ASAP2: variants seen among roughly 807,000 people sequenced by gnomAD.
The protein encoded by ASAP2 is ArfGAP with SH3 domain, ankyrin repeat and PH domain 2, also known as arf-GAP with SH3 domain, ANK repeat and PH domain-containing protein 2.
ASAP2 carries 45 observed loss-of-function variants against 131.4 expected under a neutral mutation model. The observed-to-expected ratio is 0.34, with a 90% CI of 0.27 to 0.44. The LOEUF is 0.44. ASAP2 is among the 20% of genes least tolerant of loss of function. The pLI, the probability that ASAP2 is intolerant of heterozygous loss-of-function variation, is 1.00. For missense variants in ASAP2, 1,011 were observed against 1,297.0 expected (o/e 0.78, Z 3.39); for synonymous variants, 510 against 503.0 (o/e 1.01, Z -0.19).
chr2:9,400,639 TGG>T, intron 25 of ASAP2, 101 bp from the exon 26 acceptor site: 1 of 1,070,714 alleles, frequency 9.3e-7, no homozygotes, highest in Non-Finnish European at 1.4e-6. Flanking sequence ...TCGGAACACC[TGG>T]GGAAACCTGC....
chr2:9,359,485 A>G (rs1672947696), intron 15 of ASAP2, among the ~76,000 whole-genome samples: 1 of 152,224 alleles, frequency 6.6e-6, no homozygotes, highest in South Asian at 2.1e-4. Flanking sequence ...GTAGTCCCAC[A>G]AGGTCCATCA....
chr2:9,279,474 C>A, intron 2 of ASAP2, 85 bp downstream of exon 2: 1 of 1,279,754 alleles, frequency 7.8e-7, no homozygotes, highest in Non-Finnish European at 1.1e-6. Context: ...TGACCATTAA[C>A]AAATGAGCCA....
intron 21 of ASAP2, among the ~76,000 whole-genome samples, chr2:9,385,590 G>T (rs908331159): frequency 2.0e-5 from 3 of 152,164 alleles, no homozygotes; most frequent in African/African-American, 7.2e-5. Flanking sequence ...GTACTTATAG[G>T]CAGCCTTTTG....
At chr2:9,387,557 G>A (rs533251171) in intron 21 of ASAP2, among the ~76,000 whole-genome samples, 2 of 152,324 alleles carry the variant, frequency 1.3e-5, no homozygotes, top group Admixed American at 1.3e-4. Context: ...ATTGAGTGCA[G>A]CGGGCTGGCC....
intron 1 of ASAP2, among the ~76,000 whole-genome samples, chr2:9,228,950 T>A (rs1389458734): frequency 6.6e-6 from 1 of 152,024 alleles, no homozygotes; most frequent in African/African-American, 2.4e-5. Context: ...ACGGGCCAAC[T>A]CCCCAGAGGT....
chr2:9,289,955 G>GT (rs1185691242), intron 2 of ASAP2, among the ~76,000 whole-genome samples: 1 of 149,702 alleles, frequency 6.7e-6, no homozygotes, highest in African/African-American at 2.5e-5. Flanking sequence ...AGCCCGGGGT[G>GT]TTGGAGAAGG....
intron 2 of ASAP2, among the ~76,000 whole-genome samples, chr2:9,295,331 A>G (rs1329119783): frequency 6.6e-6 from 1 of 152,208 alleles, no homozygotes; most frequent in East Asian, 1.9e-4. Context: ...TAATAGTGTT[A>G]TGAGAAATAA....
chr2:9,365,368 T>C (rs114493019), intron 15 of ASAP2, among the ~76,000 whole-genome samples: 96 of 152,270 alleles, frequency 6.3e-4, no homozygotes, highest in African/African-American at 2.3e-3. Flanking sequence ...AGCTCAGCGG[T>C]CAGGGAAGTC....
At chr2:9,247,093 T>C (rs536817540) in intron 1 of ASAP2, among the ~76,000 whole-genome samples, 2 of 152,308 alleles carry the variant, frequency 1.3e-5, no homozygotes, top group South Asian at 4.1e-4. Context: ...TGCCTTAGCC[T>C]CTAAAATGCT....
At chr2:9,212,388 G>A (rs16866958) in intron 1 of ASAP2, among the ~76,000 whole-genome samples, 18,162 of 152,066 alleles carry the variant, frequency 0.12, 1,668 homozygotes, top group African/African-American at 0.25. Flanking sequence ...ATGTCGTACC[G>A]TTGAGTCTTG....
intron 12 of ASAP2, among the ~76,000 whole-genome samples, chr2:9,351,310 G>A (rs1362371978): frequency 6.6e-6 from 1 of 152,166 alleles, no homozygotes; most frequent in Non-Finnish European, 1.5e-5. Flanking sequence ...TCTTCAACAG[G>A]TCCCTTGAAA....
rs762138158 is a variant in ASAP2, at chr2:9,403,362, C to G, written c.*35C>G. ...GAACAAAAGCATTAACAGTTATGTT[C>G]CTGTTTCGTTATTGGTACCAAAACT... On this transcript the variant is annotated 3_prime_UTR_variant, in exon 28 of 28. Coordinates refer to ENST00000281419, the MANE Select transcript of ASAP2 (RefSeq NM_003887.3). 1 of 1,599,196 alleles carries G rather than the reference C, an allele frequency of 6.3e-7. No individual in the cohort carries two copies. The highest frequency in any genetic ancestry group is 8.6e-7 in the Non-Finnish European group (1 of 1,167,194).
chr2:9,343,951 C>A (rs1318261885), intron 9 of ASAP2, among the ~76,000 whole-genome samples: 1 of 152,218 alleles, frequency 6.6e-6, no homozygotes, highest in Non-Finnish European at 1.5e-5. Flanking sequence ...GGTCAGACCC[C>A]CCTTACTCAA....
At chr2:9,261,660 G>T (rs1331621055) in intron 1 of ASAP2, among the ~76,000 whole-genome samples, 1 of 152,224 alleles carries the variant, frequency 6.6e-6, no homozygotes, top group Non-Finnish European at 1.5e-5. Context: ...TTTGGAGGTT[G>T]CCCAGTGCTG....
intron 2 of ASAP2, among the ~76,000 whole-genome samples, chr2:9,292,719 A>G (rs1264830694): frequency 6.6e-6 from 1 of 152,122 alleles, no homozygotes; most frequent in African/African-American, 2.4e-5. Context: ...ACATTGCCTG[A>G]TGCATTGTAA....
At chr2:9,252,066 T>C (rs1211220238) in intron 1 of ASAP2, among the ~76,000 whole-genome samples, 2 of 152,156 alleles carry the variant, frequency 1.3e-5, no homozygotes, top group Non-Finnish European at 2.9e-5. Context: ...AAACCTTCCC[T>C]CTGGGAAATG....
At chr2:9,359,696 C>G (rs1292713362) in intron 15 of ASAP2, among the ~76,000 whole-genome samples, 1 of 152,190 alleles carries the variant, frequency 6.6e-6, no homozygotes, top group Non-Finnish European at 1.5e-5. Context: ...GACAGAAAAT[C>G]AATAGTTGTG....
At chr2:9,323,712 A>G (rs1422558127) in intron 6 of ASAP2, among the ~76,000 whole-genome samples, 1 of 152,132 alleles carries the variant, frequency 6.6e-6, no homozygotes, top group African/African-American at 2.4e-5. Context: ...ACTTCCTGCT[A>G]GACCTCACCT....
At chr2:9,388,144 C>CT in intron 21 of ASAP2, 150 bp from the exon 22 acceptor site, 1 of 928,076 alleles carries the variant, frequency 1.1e-6, no homozygotes, top group Non-Finnish European at 1.6e-6. Context: ...TCTCACGCAA[C>CT]TTGTAGCTCT....
Sources: allele counts gnomAD v4.1 joint callset (sites outside exome capture counted in the v4.1 genomes callset), GRCh38; gene constraint gnomAD v4.1.1; transcripts MANE v1.5; gene names NCBI Gene and HGNC (gene_info 2026-07-23, HGNC 2026-07-21).